TEKT3: variants seen among roughly 807,000 people sequenced by gnomAD.
The protein encoded by TEKT3 is tektin-3.
In TEKT3, 49 loss-of-function variants were observed where a neutral mutation model predicts 49.8. That is an observed-to-expected ratio of 0.98 (90% CI 0.78 to 1.25). The LOEUF (loss-of-function observed/expected upper bound fraction) is 1.25. TEKT3 is among the 50% of genes most tolerant of loss of function. The probability of loss-of-function intolerance (pLI) is 0.00; values close to 1 mark genes in which losing one functional copy is unlikely to be tolerated. For missense variants in TEKT3, 595 were observed against 629.5 expected (o/e 0.95, Z 0.59); for synonymous variants, 225 against 237.2 (o/e 0.95, Z 0.47).
Position 15,308,645 on chromosome 17 carries a change from C to T in TEKT3, c.1256+19G>A. The stretch of plus-strand genomic sequence containing the variant: ...GGTGGCCCTCCGAGCGAGCCCCGAG[C>T]CTTCCCCTCCCACCTTACCGTAGCT... On this transcript the variant is annotated intron_variant, in intron 8 of 8. Transcript: ENST00000395930. The T allele has an allele frequency of 6.3e-7, 1 of 1,595,882 alleles. No individual in the cohort carries two copies. Among genetic ancestry groups the T allele is most frequent in the Non-Finnish European group, 8.6e-7 (1 of 1,166,972 alleles).
intron 6 of TEKT3, 118 bp from the exon 7 acceptor site, chr17:15,312,599 T>C (rs1265979780): frequency 2.6e-6 from 2 of 781,560 alleles, no homozygotes; most frequent in Non-Finnish European, 2.0e-6. Context: ...CTAGCTTCAT[T>C]ATATAAATGT....
rs1355175156 is a variant in TEKT3, at chr17:15,331,520, A to G, written c.66T>C (p.Phe22=). 4 of 1,614,022 alleles carry G rather than the reference A, an allele frequency of 2.5e-6. No individual in the cohort carries two copies. The highest frequency in any genetic ancestry group is 3.4e-6 in the Non-Finnish European group (4 of 1,180,022). Residue 22 remains phenylalanine, a synonymous_variant, in exon 3 of 9, where the codon TTT becomes TTC. Transcript: ENST00000395930. ...AGGCCATGGTACTGATGGCTGGTAG[A>G]AAGTTGGTTGGTGTTGGTCTAGGGT... ...YAHPRPTPTN[F]LPAISTMASS... is the part of the protein sequence containing the mutation.
intron 7 of TEKT3, among the ~76,000 whole-genome samples, chr17:15,311,641 T>A (rs1412389056): frequency 6.6e-6 from 1 of 152,168 alleles, no homozygotes; most frequent in East Asian, 1.9e-4. Flanking sequence ...TTATTTTTTG[T>A]CAATTTTAAA....
intron 7 of TEKT3, among the ~76,000 whole-genome samples, chr17:15,309,567 C>T (rs1910684287): frequency 6.6e-6 from 1 of 152,162 alleles, no homozygotes; most frequent in Admixed American, 6.5e-5. Context: ...TCCACATCCT[C>T]CCCATTACTG....
chr17:15,317,499 T>TA (rs1911059362), intron 5 of TEKT3, among the ~76,000 whole-genome samples: 1 of 152,090 alleles, frequency 6.6e-6, no homozygotes, highest in African/African-American at 2.4e-5. Context: ...ATTTCCAAAT[T>TA]AAAAAACCCT....
At chr17:15,334,706 G>T (rs780881287) in intron 2 of TEKT3, among the ~76,000 whole-genome samples, 1 of 152,124 alleles carries the variant, frequency 6.6e-6, no homozygotes, top group Non-Finnish European at 1.5e-5. Context: ...CCTCATGTAC[G>T]GCAGTCAGTT....
chr17:15,307,138 A>C (rs1910586369), intron 8 of TEKT3: 1 of 152,238 alleles, frequency 6.6e-6, no homozygotes. Flanking sequence ...CTATACACGT[A>C]AGGTGTTTCA....
rs1416719696 is a variant in TEKT3 at position 15,319,061 on chromosome 17, G to C, written c.734+16C>G. 2.5e-6 allele frequency: 4 copies of C among 1,599,616 alleles called. No individual in the cohort carries two copies. The highest frequency in any genetic ancestry group is 3.4e-6 in the Non-Finnish European group (4 of 1,171,500). On this transcript the variant is annotated intron_variant, in intron 5 of 8. Coordinates refer to ENST00000395930, the MANE Select transcript of TEKT3 (RefSeq NM_031898.3). ...AATGATAGATTTTGAATTGTATAGA[G>C]ACATAAAGCTCTTACGCAAGTTGGG...
chr17:15,321,006 A>G (rs1210592000), intron 4 of TEKT3, among the ~76,000 whole-genome samples: 1 of 130,628 alleles, frequency 7.7e-6, no homozygotes, highest in African/African-American at 3.4e-5. Context: ...AAATTCCTAC[A>G]ACAATAATTT....
chr17:15,304,720 T>C lies in TEKT3; in HGVS notation c.1257-568A>G, dbSNP rs1275387759. Among the ~76,000 whole-genome samples, 2 of 152,154 alleles carry C rather than the reference T, an allele frequency of 1.3e-5. No homozygotes were observed. Among genetic ancestry groups the C allele is most frequent in the East Asian group, 1.9e-4 (1 of 5,198 alleles). On this transcript the variant is annotated intron_variant, in intron 8 of 8. Coordinates refer to ENST00000395930, the MANE Select transcript of TEKT3 (RefSeq NM_031898.3). This position sits in a 1 kb window ranked among gnomAD's most constrained non-coding sequence, Gnocchi z 4.7. ...AGAAGCAGAGACCCAGGAAGACCTA[T>C]CTCATCATCTGCAGACACATCCTGG... is the stretch of plus-strand genomic sequence containing the variant.
Position 15,312,290 on chromosome 17 carries a change from G to A in TEKT3, c.1070C>T (p.Ala357Val), listed in dbSNP as rs201481107. The A allele has an allele frequency of 2.7e-5, 44 of 1,614,210 alleles. No homozygotes were observed. The highest frequency in any genetic ancestry group is 3.7e-5 in the Non-Finnish European group (44 of 1,180,042). ...TAAGTGCGTCTGAATCTTATTCTTAGCATCTGCAGTCTCAGCAATGCGATT... is the reference window on the plus strand; with the variant it reads ...TAAGTGCGTCTGAATCTTATTCTTAACATCTGCAGTCTCAGCAATGCGATT... ...FTNRIAETAD[A>V]KNKIQTHLAK... Residue 357 changes from alanine (A) to valine (V), a missense_variant, in exon 7 of 9, where the codon GCT becomes GTT. Coordinates refer to ENST00000395930, the MANE Select transcript of TEKT3 (RefSeq NM_031898.3).
chr17:15,319,347 C>A (rs139772348), intron 4 of TEKT3, among the ~76,000 whole-genome samples, 200 bp from the exon 5 acceptor site: 18 of 152,178 alleles, frequency 1.2e-4, no homozygotes, highest in African/African-American at 3.1e-4. Flanking sequence ...AAGATGCAGC[C>A]TTCATAGGTC....
rs145115510 is a variant in TEKT3 at position 15,305,921 on chromosome 17, T to C, written c.1257-1769A>G. Among the ~76,000 whole-genome samples the C allele has an allele frequency of 2.0e-5, 3 of 152,232 alleles. No homozygotes were observed. The East Asian group carries it at 5.8e-4, about 29-fold the overall frequency. ...TTAATTAGAAATATATTTTTCATCA[T>C]CTTCAAGGCCCTATTTCACTCCCAG... is the stretch of plus-strand genomic sequence containing the variant. On this transcript the variant is annotated intron_variant, in intron 8 of 8. Coordinates refer to ENST00000395930, the MANE Select transcript of TEKT3 (RefSeq NM_031898.3).
At chr17:15,320,031 C>T (rs1379794611) in intron 4 of TEKT3, among the ~76,000 whole-genome samples, 1 of 152,072 alleles carries the variant, frequency 6.6e-6, no homozygotes, top group Non-Finnish European at 1.5e-5. Context: ...AAGAGTATGC[C>T]TTTTTCCAAG....
At chr17:15,307,887 G>C (rs1051211506) in intron 8 of TEKT3, among the ~76,000 whole-genome samples, 1 of 152,196 alleles carries the variant, frequency 6.6e-6, no homozygotes, top group African/African-American at 2.4e-5. Context: ...AATGAAGCCG[G>C]ATTGTGGCGG....
chr17:15,316,164 G>A lies in TEKT3; in HGVS notation c.735-1934C>T, dbSNP rs185162661. 2.4e-4 allele frequency among the ~76,000 whole-genome samples: 37 copies of A among 152,346 alleles called. No individual in the cohort carries two copies. In the East Asian group the frequency reaches 7.1e-3, roughly 29 times the overall value. ...TGAGGCTCTTGCCTTAGGTGATTATGCTGAAATTCTAGGACTAGAAGGCCT... is the reference window on the plus strand; with the variant it reads ...TGAGGCTCTTGCCTTAGGTGATTATACTGAAATTCTAGGACTAGAAGGCCT... On this transcript the variant is annotated intron_variant, in intron 5 of 8. Coordinates refer to ENST00000395930, the MANE Select transcript of TEKT3 (RefSeq NM_031898.3).
chr17:15,311,438 C>T (rs1012918358), intron 7 of TEKT3: 2 of 152,162 alleles, frequency 1.3e-5, no homozygotes, highest in Non-Finnish European at 2.9e-5. Context: ...ATTCATGAAA[C>T]GTTACATAGG....
At chr17:15,314,419 GACC>G in intron 5 of TEKT3, 189 bp from the exon 6 acceptor site, 2 of 740,622 alleles carry the variant, frequency 2.7e-6, no homozygotes, top group Non-Finnish European at 2.3e-6. Flanking sequence ...ACGTCACTGG[GACC>G]CTAACTCCCA....
intron 4 of TEKT3, among the ~76,000 whole-genome samples, chr17:15,325,951 C>A (rs904027400): frequency 6.6e-6 from 1 of 152,162 alleles, no homozygotes; most frequent in Admixed American, 6.5e-5. Flanking sequence ...TATTTCTAAC[C>A]ACTCCTGTCC....
Sources: allele counts gnomAD v4.1 joint callset (sites outside exome capture counted in the v4.1 genomes callset), GRCh38; gene constraint gnomAD v4.1.1; non-coding constraint Gnocchi (gnomAD v3.1); transcripts MANE v1.5; gene names NCBI Gene and HGNC (gene_info 2026-07-23, HGNC 2026-07-21).